Variants in EBF3 observed in about 807,000 individuals in gnomAD.
EBF3 encodes transcription factor COE3.
A neutral mutation model predicts 77.1 loss-of-function variants in EBF3; 18 were observed. The ratio of observed to expected loss-of-function variants is 0.23; its 90% CI spans 0.16 to 0.35. The LOEUF (loss-of-function observed/expected upper bound fraction) is 0.35, where lower values mean the gene tolerates loss of function less well. EBF3 is among the 10% of genes least tolerant of loss of function. EBF3 has a pLI of 1.00. For synonymous variants in EBF3, 350 were observed against 343.5 expected (o/e 1.02, Z -0.21); for missense variants, 558 against 860.0 (o/e 0.65, Z 4.39).
chr10:129,949,771 G>T (rs1858518023), intron 6 of EBF3, among the ~76,000 whole-genome samples: 1 of 152,126 alleles, frequency 6.6e-6, no homozygotes. Context: ...AGAGAAAGCG[G>T]GAGGGGGTGC....
intron 6 of EBF3, among the ~76,000 whole-genome samples, chr10:129,882,550 G>C (rs1853281604): frequency 2.0e-5 from 3 of 152,246 alleles, no homozygotes; most frequent in African/African-American, 7.2e-5. Flanking sequence ...ATGGCAAAAG[G>C]TGTTGAGCAA....
At chr10:129,850,485 G>C (rs1850791971) in intron 10 of EBF3, among the ~76,000 whole-genome samples, 2 of 152,168 alleles carry the variant, frequency 1.3e-5, no homozygotes, top group African/African-American at 4.8e-5. Context: ...GCAATGCCAA[G>C]AATAAGCGCG....
chr10:129,912,369 C>CA (rs1245908938), intron 6 of EBF3, among the ~76,000 whole-genome samples: 1 of 152,208 alleles, frequency 6.6e-6, no homozygotes, highest in Non-Finnish European at 1.5e-5. Flanking sequence ...GCTGCCTGCT[C>CA]ACCAAGGCCT....
At chr10:129,886,649 AT>A (rs924613333) in intron 6 of EBF3, among the ~76,000 whole-genome samples, 59 of 151,566 alleles carry the variant, frequency 3.9e-4, no homozygotes, top group Middle Eastern at 6.8e-3. Flanking sequence ...GTATGTGGGA[AT>A]TTTTTTTTCC....
intron 6 of EBF3, among the ~76,000 whole-genome samples, chr10:129,953,873 G>A (rs1471680314): frequency 6.6e-6 from 1 of 152,230 alleles, no homozygotes; most frequent in Non-Finnish European, 1.5e-5. Flanking sequence ...TGTGGTGTTG[G>A]CTTAGCAGCT....
chr10:129,928,402 T>A (rs1194923139), intron 6 of EBF3, among the ~76,000 whole-genome samples: 1 of 152,228 alleles, frequency 6.6e-6, no homozygotes, highest in Non-Finnish European at 1.5e-5. Context: ...CACACATTTT[T>A]ATATCATTTT....
chr10:129,853,732 C>T (rs1851054208), intron 10 of EBF3, among the ~76,000 whole-genome samples: 1 of 152,182 alleles, frequency 6.6e-6, no homozygotes, highest in Non-Finnish European at 1.5e-5. Context: ...AATTAAATTG[C>T]TCAATACAAA....
At chr10:129,840,488 G>C (rs376727104) in intron 14 of EBF3, 46 bp from the exon 15 acceptor site, 1 of 1,532,370 alleles carries the variant, frequency 6.5e-7, no homozygotes, top group Admixed American at 2.0e-5. Flanking sequence ...GCGGCACAGC[G>C]CCACGGCGAG....
intron 6 of EBF3, among the ~76,000 whole-genome samples, chr10:129,907,591 C>A (rs1855235132): frequency 6.6e-6 from 1 of 152,060 alleles, no homozygotes; most frequent in Admixed American, 6.5e-5. Flanking sequence ...GGCCGCAGCA[C>A]CAAGATGCCT....
intron 11 of EBF3, 80 bp from the exon 12 acceptor site, chr10:129,843,282 C>G (rs943343454): frequency 8.2e-6 from 12 of 1,468,618 alleles, no homozygotes; most frequent in Non-Finnish European, 1.0e-5. Context: ...GTTCCGTCTG[C>G]GGGTGTGGAG....
Position 129,897,974 on chromosome 10 carries a change from G to A in EBF3, c.555-20125C>T, listed in dbSNP as rs893722558. Reference sequence around the variant, plus strand: ...AAAGCTGGGGCTGCTCAACAGAAGAGAGCCCGAGCTGACCCGTTGCTGTAT... The same window carrying A: ...AAAGCTGGGGCTGCTCAACAGAAGAAAGCCCGAGCTGACCCGTTGCTGTAT... On this transcript the variant is annotated intron_variant, in intron 6 of 16. Coordinates refer to ENST00000440978, the MANE Select transcript of EBF3 (RefSeq NM_001375380.1). This position sits in a 1 kb window ranked among gnomAD's most constrained non-coding sequence, Gnocchi z 4.6. Among the ~76,000 whole-genome samples the A allele has an allele frequency of 9.9e-5, 15 of 152,196 alleles. No homozygotes were observed. The highest frequency in any genetic ancestry group is 1.9e-4 in the Non-Finnish European group (13 of 68,040).
intron 6 of EBF3, among the ~76,000 whole-genome samples, chr10:129,900,080 T>C (rs538618291): frequency 6.6e-6 from 1 of 152,336 alleles, no homozygotes; most frequent in African/African-American, 2.4e-5. Flanking sequence ...CAAAATAAAA[T>C]ACTCTTTGCT....
chr10:129,920,530 C>T (rs1341570761), intron 6 of EBF3, among the ~76,000 whole-genome samples: 1 of 152,224 alleles, frequency 6.6e-6, no homozygotes, highest in Non-Finnish European at 1.5e-5. Flanking sequence ...CCTGACCCAG[C>T]TGGGGCGCTA....
chr10:129,841,051 C>CCCCCG lies in EBF3; in HGVS notation c.1373-20_1373-19insCGGGG. The CCCCCG allele has an allele frequency of 1.2e-6, 2 of 1,603,880 alleles. No individual in the cohort carries two copies. Among genetic ancestry groups the CCCCCG allele is most frequent in the Non-Finnish European group, 1.7e-6 (2 of 1,175,600 alleles). On this transcript the variant is annotated intron_variant, in intron 13 of 16. Transcript: ENST00000440978. This position sits in a 1 kb window ranked among gnomAD's most constrained non-coding sequence, Gnocchi z 4.6. ...TAGCCGACTGTTGAAATCCCCCCCC[C>CCCCCG]GGCCAAAAATAACATTATTATCAGC...
At chr10:129,838,031 C>A in intron 16 of EBF3, 71 bp from the exon 17 acceptor site, 1 of 1,579,666 alleles carries the variant, frequency 6.3e-7, no homozygotes. Context: ...CTGACGCGGG[C>A]GGGGCTGCCC....
At chr10:129,905,206 G>A (rs1052569146) in intron 6 of EBF3, among the ~76,000 whole-genome samples, 13 of 152,186 alleles carry the variant, frequency 8.5e-5, no homozygotes, top group Non-Finnish European at 1.5e-4. Flanking sequence ...AGGGCTCCAG[G>A]GTGCACTGTG....
At position 129,914,275 on chromosome 10, in the gene EBF3, G is replaced by T. The variant is rs575906603; in HGVS notation, c.555-36426C>A. On this transcript the variant is annotated intron_variant, in intron 6 of 16. Coordinates refer to ENST00000440978, the MANE Select transcript of EBF3 (RefSeq NM_001375380.1). ...GGCAATCTTGCACATTTCAGACAAA[G>T]AGCATCTGTGATTTTCCCTTGGCAG... 3.5e-4 allele frequency among the ~76,000 whole-genome samples: 53 copies of T among 152,248 alleles called. 1 individual carries two copies. The highest frequency in any genetic ancestry group is 1.2e-3 in the African/African-American group (49 of 41,548).
chr10:129,943,408 GATA>G lies in EBF3; in HGVS notation c.554+13847_554+13849del, dbSNP rs1857932463. 6.6e-6 allele frequency among the ~76,000 whole-genome samples: 1 copy of G among 152,192 alleles called. No individual in the cohort carries two copies. The highest frequency in any genetic ancestry group is 1.5e-5 in the Non-Finnish European group (1 of 68,024). ...GAAGGTTGTCTTATAGGCTTGGCTG[GATA>G]ATTTCATTTTAAAAGTATCGCTAAA... On this transcript the variant is annotated intron_variant, in intron 6 of 16. Coordinates refer to ENST00000440978, the MANE Select transcript of EBF3 (RefSeq NM_001375380.1). This position sits in a 1 kb window ranked among gnomAD's most constrained non-coding sequence, Gnocchi z 8.8.
chr10:129,913,202 A>G (rs971398454), intron 6 of EBF3, among the ~76,000 whole-genome samples: 3 of 152,234 alleles, frequency 2.0e-5, no homozygotes, highest in Non-Finnish European at 4.4e-5. Context: ...CTCTGACTCC[A>G]CGTTTTAACA....
Sources: gnomAD v4.1 joint callset for allele counts (sites outside exome capture counted in the v4.1 genomes callset) on GRCh38, gnomAD v4.1.1 for gene constraint, Gnocchi (gnomAD v3.1) non-coding constraint, MANE v1.5 for transcripts, NCBI Gene and HGNC (gene_info 2026-07-23, HGNC 2026-07-21) for gene names.